The following NFASC variants were observed in gnomAD, a reference collection of about 807,000 sequenced individuals.
NFASC encodes neurofascin homolog.
In NFASC, 43 loss-of-function variants were observed where a neutral mutation model predicts 147.5. The observed-to-expected ratio is 0.29, with a 90% CI of 0.23 to 0.38. The LOEUF (loss-of-function observed/expected upper bound fraction) is 0.38. Ranked by LOEUF, NFASC falls within the 10% of genes least tolerant of loss-of-function variation. The pLI is 1.00. For synonymous variants in NFASC, 622 were observed against 665.5 expected, an observed-to-expected ratio of 0.93 and a Z score of 1.01; for missense variants, 1,320 against 1,689.0, an observed-to-expected ratio of 0.78 and a Z score of 3.83.
At position 204,873,153 on chromosome 1, in the gene NFASC, C is replaced by A. The variant is rs371763588; in HGVS notation, c.-200+44371C>A. Among the ~76,000 whole-genome samples the A allele has an allele frequency of 7.0e-5, 8 of 113,860 alleles. No individual in the cohort carries two copies. The South Asian group carries it at 1.3e-3, about 19-fold the overall frequency. The allele number at this position is 113,860 out of a possible 152,430, so 74.7% of individuals were successfully genotyped here. A position where few individuals can be genotyped will look rare whatever the true frequency, so the allele number is the denominator to read the frequency against. On this transcript the variant is annotated intron_variant, in intron 1 of 29. Transcript: ENST00000339876. ...GGGGCTATGTGAAATGTTCTTCCTT[C>A]CAGGCACCTTGCATTTGAAAGGCAC... is the stretch of plus-strand genomic sequence containing the variant.
intron 25 of NFASC, chr1:204,998,503 G>A (rs1483382087): frequency 6.6e-6 from 1 of 152,180 alleles, no homozygotes; most frequent in African/African-American, 2.4e-5. Context: ...TTTGTTTTCA[G>A]TTCAATGACA....
At position 204,860,889 on chromosome 1, in the gene NFASC, T is replaced by C. The variant is rs183373809; in HGVS notation, c.-200+32107T>C. 2.0e-4 allele frequency among the ~76,000 whole-genome samples: 30 copies of C among 152,280 alleles called. 1 individual carries two copies. The highest frequency in any genetic ancestry group is 1.8e-3 in the Admixed American group (27 of 15,298). ...ATGTCTTCAAGGTTTATCCACATTG[T>C]AGCATGGATCAGTTCTTCATTCCTT... On this transcript the variant is annotated intron_variant, in intron 1 of 29. Coordinates refer to ENST00000339876, the MANE Select transcript of NFASC (RefSeq NM_001005388.3).
chr1:204,948,114 G>A (rs1452664161), intron 3 of NFASC, among the ~76,000 whole-genome samples: 2 of 152,238 alleles, frequency 1.3e-5, no homozygotes, highest in Non-Finnish European at 2.9e-5. Context: ...GCCAGGGAAA[G>A]AAAAGAGGCA....
intron 1 of NFASC, among the ~76,000 whole-genome samples, chr1:204,881,959 G>T (rs2080330580): frequency 6.6e-6 from 1 of 152,062 alleles, no homozygotes; most frequent in African/African-American, 2.4e-5. Context: ...CAGGAATCCT[G>T]TTCGGTCTGT....
At chr1:204,901,849 A>G (rs1336164363) in intron 1 of NFASC, among the ~76,000 whole-genome samples, 2 of 152,198 alleles carry the variant, frequency 1.3e-5, no homozygotes, top group South Asian at 4.2e-4. Flanking sequence ...TGGAGCAGAC[A>G]GCTCACCCGC....
intron 1 of NFASC, among the ~76,000 whole-genome samples, chr1:204,842,713 T>C (rs903975819): frequency 5.9e-5 from 9 of 152,368 alleles, no homozygotes; most frequent in Non-Finnish European, 4.4e-5. Flanking sequence ...CCTGTCCTTT[T>C]ATTTTAGGAA....
chr1:204,919,463 CAT>C (rs1185932118), intron 1 of NFASC, among the ~76,000 whole-genome samples: 3 of 152,138 alleles, frequency 2.0e-5, no homozygotes, highest in African/African-American at 4.8e-5. Context: ...TATTTTCTAT[CAT>C]GTGTTTTTCA....
chr1:204,838,158 T>C (rs930945152), intron 1 of NFASC, among the ~76,000 whole-genome samples: 47 of 152,250 alleles, frequency 3.1e-4, no homozygotes, highest in African/African-American at 1.1e-3. Context: ...AAATGTTCTG[T>C]ATCTGCACAG....
In NFASC at chr1:204,980,427, A is replaced by C. The variant is rs149329898; in HGVS notation, c.2234A>C (p.Glu745Ala). 12 of 1,613,108 alleles carry C rather than the reference A, an allele frequency of 7.4e-6. No individual in the cohort carries two copies. Among genetic ancestry groups the C allele is most frequent in the Non-Finnish European group, 1.0e-5 (12 of 1,179,416 alleles). Reference protein sequence around the residue: ...KGEGTRKNNMEITWTPMNATS... With the variant: ...KGEGTRKNNMAITWTPMNATS... The stretch of plus-strand genomic sequence containing the variant: ...GAGGGGACCAGAAAGAACAACATGG[A>C]GATCACGTGGACGGTAAGAGGCCCT... The change falls in exon 20 of 30, where the codon GAG (glutamate) becomes GCG (alanine). Residue 745 changes from glutamate (E) to alanine (A), a missense_variant. Glu to Ala is a moderately radical substitution (Grantham distance 107). This residue lies in a region of NFASC where 981 missense variants were observed against 1,289.5 expected (regional missense o/e 0.76). Transcript: ENST00000339876.
At position 204,979,447 on chromosome 1, in the gene NFASC, C is replaced by A. The variant is rs773158029; in HGVS notation, c.2064C>A (p.Ala688=). The A allele has an allele frequency of 1.2e-6, 2 of 1,613,950 alleles. No individual in the cohort carries two copies. The highest frequency in any genetic ancestry group is 1.7e-6 in the Non-Finnish European group (2 of 1,180,028). The change falls in exon 19 of 30, where the codon GCC becomes GCA. Residue 688 remains alanine, a synonymous_variant. Transcript: ENST00000339876. This position sits in a 1 kb window ranked among gnomAD's most constrained non-coding sequence, Gnocchi z 6.0. ...HSKYPGSVNS[A]VLRLSPYVNY... ...AGTACCCCGGCAGCGTTAACTCAGC[C>A]GTCCTCCGGCTGTCCCCGTATGTCA...
chr1:204,915,540 A>G (rs1256060940), intron 1 of NFASC, among the ~76,000 whole-genome samples: 1 of 152,174 alleles, frequency 6.6e-6, no homozygotes, highest in African/African-American at 2.4e-5. Flanking sequence ...TGAGAGGACG[A>G]TGTTCTAGGC....
In NFASC at chr1:204,950,067, T is replaced by TG. The variant is rs530817676; in HGVS notation, c.92-487dup. Among the ~76,000 whole-genome samples the TG allele has an allele frequency of 2.4e-4, 37 of 152,376 alleles. No individual in the cohort carries two copies. In the East Asian group the frequency reaches 6.9e-3, roughly 29 times the overall value. On this transcript the variant is annotated intron_variant, in intron 3 of 29. Coordinates refer to ENST00000339876, the MANE Select transcript of NFASC (RefSeq NM_001005388.3). ...GAGATGCCAAGGAGAGAAGGTGTCGTGGGAGAAATGAGGCCTTGGAGCTTT... is the reference window on the plus strand; with the variant it reads ...GAGATGCCAAGGAGAGAAGGTGTCGTGGGGAGAAATGAGGCCTTGGAGCTTT...
At chr1:204,876,683 T>C (rs1444848891) in intron 1 of NFASC, among the ~76,000 whole-genome samples, 3 of 152,150 alleles carry the variant, frequency 2.0e-5, no homozygotes, top group Non-Finnish European at 4.4e-5. Flanking sequence ...GGAACCTCAA[T>C]AAGTGGAATC....
At chr1:204,978,707 G>T (rs1333329278) in intron 17 of NFASC, among the ~76,000 whole-genome samples, 1 of 152,094 alleles carries the variant, frequency 6.6e-6, no homozygotes, top group Non-Finnish European at 1.5e-5. Context: ...AGTTCTGTCT[G>T]CATAAGCCCC....
At position 204,968,219 on chromosome 1, in the gene NFASC, C is replaced by T; in HGVS notation, c.707-30C>T. Reference sequence around the variant, plus strand: ...GTGGGGTCTGCCTTCTGGAAGGAGGCTCATGGGAGTTTGTTCTCTCCTGTT... The same window carrying T: ...GTGGGGTCTGCCTTCTGGAAGGAGGTTCATGGGAGTTTGTTCTCTCCTGTT... On this transcript the variant is annotated intron_variant, in intron 8 of 29. Transcript: ENST00000339876. The surrounding 1 kb of genome is among the most constrained non-coding windows in gnomAD (Gnocchi z 5.4). The T allele has an allele frequency of 6.4e-7, 1 of 1,550,700 alleles. No homozygotes were observed. The highest frequency in any genetic ancestry group is 8.9e-7 in the Non-Finnish European group (1 of 1,122,442).
chr1:204,896,100 A>G (rs768173321), intron 1 of NFASC, among the ~76,000 whole-genome samples: 6 of 152,208 alleles, frequency 3.9e-5, no homozygotes, highest in Non-Finnish European at 8.8e-5. Flanking sequence ...GAGAAGGCCA[A>G]AAGGAACAAT....
At chr1:204,928,728 C>G (rs116628037) in intron 2 of NFASC, among the ~76,000 whole-genome samples, 9 of 152,164 alleles carry the variant, frequency 5.9e-5, no homozygotes, top group Non-Finnish European at 1.0e-4. Flanking sequence ...TCTCTGTGTC[C>G]AAGCTATATG....
rs1161517065 is a variant in NFASC at position 205,016,669 on chromosome 1, A to G, written c.*130A>G. On this transcript the variant is annotated 3_prime_UTR_variant, in exon 30 of 30. Transcript: ENST00000339876. This position sits in a 1 kb window ranked among gnomAD's most constrained non-coding sequence, Gnocchi z 5.1. ...CAAGGGTACGATATGGGGGTCTGCC[A>G]AGCTGTGAGGACCAGTAGCCACCAA... 2 of 738,420 alleles carry G rather than the reference A, an allele frequency of 2.7e-6. No homozygotes were observed. Among genetic ancestry groups the G allele is most frequent in the Non-Finnish European group, 4.8e-6 (2 of 417,372 alleles). The allele number at this position is 738,420 out of a possible 1,614,324, so 45.7% of individuals were successfully genotyped here. A position where few individuals can be genotyped will look rare whatever the true frequency, so the allele number is the denominator to read the frequency against.
At chr1:204,894,947 C>G (rs141749384) in intron 1 of NFASC, among the ~76,000 whole-genome samples, 2 of 152,198 alleles carry the variant, frequency 1.3e-5, no homozygotes, top group Admixed American at 6.5e-5. Flanking sequence ...TAATTACTAA[C>G]AGTGTTGCCT....
Sources: allele counts gnomAD v4.1 joint callset (sites outside exome capture counted in the v4.1 genomes callset), GRCh38; gene constraint gnomAD v4.1.1; regional missense constraint gnomAD v4.1.1; non-coding constraint Gnocchi (gnomAD v3.1); transcripts MANE v1.5; gene names NCBI Gene and HGNC (gene_info 2026-07-23, HGNC 2026-07-21).